Variants in KDM2A observed in about 807,000 individuals in gnomAD.
KDM2A encodes the protein lysine demethylase 2A.
Under a neutral mutation model 137.3 loss-of-function variants are expected in KDM2A, and 3 were observed. The ratio of observed to expected loss-of-function variants is 0.02; its 90% CI spans 0.01 to 0.06. The LOEUF (loss-of-function observed/expected upper bound fraction) is 0.06, where lower values mean the gene tolerates loss of function less well. KDM2A is among the 10% of genes least tolerant of loss of function. The pLI is 1.00. For missense variants in KDM2A, 738 were observed against 1,510.6 expected (o/e 0.49, Z 8.48); for synonymous variants, 512 against 541.5 (o/e 0.95, Z 0.76).
chr11:67,230,210 C>G (rs1858668863), intron 11 of KDM2A, among the ~76,000 whole-genome samples: 1 of 151,912 alleles, frequency 6.6e-6, no homozygotes. Context: ...TAGAGCTAGG[C>G]ACTGTGATGA....
chr11:67,238,623 C>T (rs1038924668), intron 12 of KDM2A, among the ~76,000 whole-genome samples: 1 of 152,224 alleles, frequency 6.6e-6, no homozygotes, highest in Admixed American at 6.5e-5. Flanking sequence ...ACATATGTAG[C>T]CCCTGGCAGC....
chr11:67,121,186 C>G, intron 1 of KDM2A, 48 bp from the exon 2 acceptor site: 1 of 697,860 alleles, frequency 1.4e-6, no homozygotes, highest in South Asian at 1.8e-5. Flanking sequence ...ACAGAAAGCA[C>G]AAGTTTGAGA....
chr11:67,187,180 T>A lies in KDM2A; in HGVS notation c.307+5288T>A, dbSNP rs555717034. ...ATACAGAAGGAAATGAGAAAGGAAT[T>A]TACACATTTCACCAAATAAATGTAT... On this transcript the variant is annotated intron_variant, in intron 5 of 20. Coordinates refer to ENST00000529006, the MANE Select transcript of KDM2A (RefSeq NM_012308.3). Among the ~76,000 whole-genome samples, 16 of 151,994 alleles carry A rather than the reference T, an allele frequency of 1.1e-4. No individual in the cohort carries two copies. In the South Asian group the frequency reaches 2.3e-3, roughly 22 times the overall value.
intron 10 of KDM2A, among the ~76,000 whole-genome samples, chr11:67,225,581 A>AC (rs1454678467): frequency 1.3e-5 from 2 of 150,556 alleles, no homozygotes; most frequent in Non-Finnish European, 3.0e-5. Context: ...AACCAGTCTG[A>AC]CCAACATGGA....
chr11:67,179,646 CA>C (rs1314611359), intron 2 of KDM2A, among the ~76,000 whole-genome samples: 1 of 152,158 alleles, frequency 6.6e-6, no homozygotes, highest in Non-Finnish European at 1.5e-5. Context: ...TCCATTCATT[CA>C]AATGTGTTTT....
intron 2 of KDM2A, among the ~76,000 whole-genome samples, chr11:67,139,396 C>G (rs1040434752): frequency 6.6e-6 from 1 of 152,100 alleles, no homozygotes; most frequent in Non-Finnish European, 1.5e-5. Context: ...AGGCACCCAC[C>G]ACCACGCCCA....
At chr11:67,149,006 A>G (rs1203944484) in intron 2 of KDM2A, 2 of 152,158 alleles carry the variant, frequency 1.3e-5, no homozygotes, top group Admixed American at 6.5e-5. Context: ...CATGGTTAAT[A>G]AGCCAATCAA....
chr11:67,210,386 A>C (rs1590788714), intron 6 of KDM2A, among the ~76,000 whole-genome samples: 1 of 152,150 alleles, frequency 6.6e-6, no homozygotes, highest in African/African-American at 2.4e-5. Flanking sequence ...GAAAAATAAC[A>C]TGATTGTAGC....
At chr11:67,184,865 A>G (rs1039720827) in intron 5 of KDM2A, among the ~76,000 whole-genome samples, 3 of 152,178 alleles carry the variant, frequency 2.0e-5, no homozygotes, top group Admixed American at 6.5e-5. Context: ...CACAATAATA[A>G]AACACAAAAA....
intron 18 of KDM2A, 121 bp downstream of exon 18, chr11:67,252,978 C>A (rs1590832876): frequency 9.1e-7 from 1 of 1,095,168 alleles, no homozygotes. Context: ...CAGTCCCATG[C>A]CATTGTTGCT....
chr11:67,200,946 C>A (rs1256363239), intron 5 of KDM2A, among the ~76,000 whole-genome samples: 1 of 151,954 alleles, frequency 6.6e-6, no homozygotes, highest in Non-Finnish European at 1.5e-5. Context: ...GTAATCCCAG[C>A]ACTTTGGGAG....
At chr11:67,241,829 GA>G (rs1425681570) in intron 12 of KDM2A, among the ~76,000 whole-genome samples, 1 of 152,218 alleles carries the variant, frequency 6.6e-6, no homozygotes, top group African/African-American at 2.4e-5. Context: ...AGCACTTTGG[GA>G]GGCCGAGGCA....
chr11:67,168,665 G>A (rs765257145), intron 2 of KDM2A, among the ~76,000 whole-genome samples: 101 of 119,148 alleles, frequency 8.5e-4, no homozygotes, highest in Non-Finnish European at 1.2e-3. Flanking sequence ...ACACACACAC[G>A]GTCGGGGGGA....
chr11:67,238,957 TG>T (rs1306835371), intron 12 of KDM2A, among the ~76,000 whole-genome samples: 1 of 152,132 alleles, frequency 6.6e-6, no homozygotes, highest in Non-Finnish European at 1.5e-5. Context: ...AAGGAGTGTG[TG>T]TTCAGTCTGA....
At chr11:67,137,561 G>A (rs1167420755) in intron 2 of KDM2A, among the ~76,000 whole-genome samples, 1 of 152,078 alleles carries the variant, frequency 6.6e-6, no homozygotes, top group Non-Finnish European at 1.5e-5. Flanking sequence ...GTGTAAAGGA[G>A]GTAAATATAA....
At chr11:67,144,474 A>C (rs1381591541) in intron 2 of KDM2A, among the ~76,000 whole-genome samples, 2 of 147,994 alleles carry the variant, frequency 1.4e-5, no homozygotes, top group Non-Finnish European at 3.0e-5. Context: ...CTGGTCTTGA[A>C]CTCCTGACCT....
chr11:67,240,826 G>A (rs1859015251), intron 12 of KDM2A, among the ~76,000 whole-genome samples: 1 of 152,066 alleles, frequency 6.6e-6, no homozygotes. Flanking sequence ...TTGGTTGAAT[G>A]GCCCCAGCAA....
At chr11:67,248,212 AAC>A in intron 15 of KDM2A, 67 bp from the exon 16 acceptor site, 2 of 1,148,838 alleles carry the variant, frequency 1.7e-6, no homozygotes, top group Non-Finnish European at 2.6e-6. Flanking sequence ...AACTCTTCCC[AAC>A]TGTGTTATTG....
chr11:67,240,827 G>T (rs1414102552), intron 12 of KDM2A, among the ~76,000 whole-genome samples: 4 of 152,002 alleles, frequency 2.6e-5, no homozygotes, highest in Non-Finnish European at 4.4e-5. Context: ...TGGTTGAATG[G>T]CCCCAGCAAA....
Sources: gnomAD v4.1 joint callset for allele counts (sites outside exome capture counted in the v4.1 genomes callset) on GRCh38, gnomAD v4.1.1 for gene constraint, MANE v1.5 for transcripts, NCBI Gene and HGNC (gene_info 2026-07-23, HGNC 2026-07-21) for gene names.